The following NUDCD1 variants were observed in gnomAD, a reference collection of about 807,000 sequenced individuals.
NUDCD1 encodes nudC domain-containing protein 1.
NUDCD1 carries 60 observed loss-of-function variants against 67.8 expected under a neutral mutation model. The ratio of observed to expected loss-of-function variants is 0.88; its 90% CI spans 0.72 to 1.10. The LOEUF (loss-of-function observed/expected upper bound fraction) is 1.10. NUDCD1 is among the 50% of genes least tolerant of loss of function. The pLI is 0.00. For missense variants in NUDCD1, 643 were observed against 695.0 expected, an observed-to-expected ratio of 0.93 and a Z score of 0.84; for synonymous variants, 244 against 230.8, an observed-to-expected ratio of 1.06 and a Z score of -0.52.
rs1425245079 is a variant in NUDCD1, at chr8:109,273,889, A to C, written c.1173+1463T>G. Among the ~76,000 whole-genome samples, 3 of 152,238 alleles carry C rather than the reference A, an allele frequency of 2.0e-5. No homozygotes were observed. In the East Asian group the frequency reaches 5.8e-4, roughly 29 times the overall value. On this transcript the variant is annotated intron_variant, in intron 7 of 9. Coordinates refer to ENST00000239690, the MANE Select transcript of NUDCD1 (RefSeq NM_032869.4). ...ACAACACAAAACAAAAAACCTATCCAATATTCCTCACAAATAGACATAAAA... is the reference window on the plus strand; with the variant it reads ...ACAACACAAAACAAAAAACCTATCCCATATTCCTCACAAATAGACATAAAA...
At chr8:109,317,611 T>C (rs1470495065) in intron 2 of NUDCD1, among the ~76,000 whole-genome samples, 2 of 152,238 alleles carry the variant, frequency 1.3e-5, no homozygotes, top group African/African-American at 4.8e-5. Flanking sequence ...GAATTGTTCC[T>C]GATATGTAAT....
In NUDCD1 at chr8:109,296,419, C is replaced by T. The variant is rs1230554126; in HGVS notation, c.424G>A (p.Gly142Ser). The change falls in exon 3 of 10, where the codon GGT (glycine) becomes AGT (serine). Residue 142 changes from glycine (G) to serine (S), a missense_variant. Physicochemically the swap from Gly to Ser is moderately conservative, Grantham distance 56. Coordinates refer to ENST00000239690, the MANE Select transcript of NUDCD1 (RefSeq NM_032869.4). ...GTGRLYVIGTGERGNSASEKW... is the reference protein window; with the variant it reads ...GTGRLYVIGTSERGNSASEKW... ...TCAGAAGCGCTATTTCCACGTTCAC[C>T]TGTTCCAATGACATACAATCTTCCA... The T allele has an allele frequency of 5.0e-6, 8 of 1,613,490 alleles. No individual in the cohort carries two copies. The highest frequency in any genetic ancestry group is 1.7e-5 in the Admixed American group (1 of 59,952).
intron 8 of NUDCD1, among the ~76,000 whole-genome samples, chr8:109,270,061 C>T (rs1389175622): frequency 1.8e-3 from 3 of 1,628 alleles, no homozygotes; most frequent in Non-Finnish European, 3.3e-3. Flanking sequence ...TTTGAGGTGG[C>T]GGGGGCGGGG....
intron 8 of NUDCD1, among the ~76,000 whole-genome samples, chr8:109,251,662 C>T (rs899235335): frequency 2.6e-5 from 4 of 152,116 alleles, no homozygotes; most frequent in Non-Finnish European, 5.9e-5. Flanking sequence ...TCTTTTTCCT[C>T]AGTCTGGCTA....
chr8:109,289,816 G>A lies in NUDCD1; in HGVS notation c.758C>T (p.Thr253Ile). The A allele has an allele frequency of 6.4e-7, 1 of 1,570,190 alleles. No homozygotes were observed. The highest frequency in any genetic ancestry group is 8.7e-7 in the Non-Finnish European group (1 of 1,150,648). Residue 253 changes from threonine to isoleucine, a missense_variant, in exon 5 of 10, where the codon ACA becomes ATA. By Grantham distance (89) the Thr-to-Ile change is moderately conservative (BLOSUM62 -1). Transcript: ENST00000239690. ...GLMIVSYKSL[T>I]FVQAGQDLEE... ...AAGATCTTGACCAGCCTGAACAAAT[G>A]TTAAAGACTTGTAGGATACAATCAT...
intron 2 of NUDCD1, among the ~76,000 whole-genome samples, chr8:109,318,200 A>C (rs1369497412): frequency 6.6e-6 from 1 of 152,202 alleles, no homozygotes; most frequent in African/African-American, 2.4e-5. Flanking sequence ...GCTACATTAC[A>C]TGTGCCACAA....
At chr8:109,243,768 T>A (rs1028012980) in intron 9 of NUDCD1, among the ~76,000 whole-genome samples, 1 of 152,178 alleles carries the variant, frequency 6.6e-6, no homozygotes, top group Non-Finnish European at 1.5e-5. Context: ...CTGTTCATAA[T>A]GTATCCCTGA....
At chr8:109,266,971 A>G (rs542691152) in intron 8 of NUDCD1, among the ~76,000 whole-genome samples, 1 of 152,176 alleles carries the variant, frequency 6.6e-6, no homozygotes, top group South Asian at 2.1e-4. Context: ...ATTTTCTAAA[A>G]CTCTAAGGAC....
chr8:109,297,251 CAG>C (rs1814866565), intron 2 of NUDCD1, among the ~76,000 whole-genome samples: 1 of 152,186 alleles, frequency 6.6e-6, no homozygotes, highest in African/African-American at 2.4e-5. Context: ...AAAATGCCTA[CAG>C]AGACACCAGT....
At chr8:109,316,735 T>C (rs1815406718) in intron 2 of NUDCD1, among the ~76,000 whole-genome samples, 1 of 152,212 alleles carries the variant, frequency 6.6e-6, no homozygotes, top group Non-Finnish European at 1.5e-5. Context: ...TCTTAATACC[T>C]GGTCATCCCT....
intron 8 of NUDCD1, among the ~76,000 whole-genome samples, chr8:109,261,812 T>C (rs931675050): frequency 1.3e-5 from 2 of 152,190 alleles, no homozygotes; most frequent in Non-Finnish European, 2.9e-5. Context: ...CCCGGTTTAA[T>C]TATTTTTCTA....
Position 109,242,999 on chromosome 8 carries a change from G to A in NUDCD1, c.*10C>T, listed in dbSNP as rs1471167853. ...TTTTCCAGTACAAAGAGGCCAATAT[G>A]TTAGAATAATTAATTCTCTGTATTT... On this transcript the variant is annotated 3_prime_UTR_variant, in exon 10 of 10. Transcript: ENST00000239690. 5 of 1,544,322 alleles carry A rather than the reference G, an allele frequency of 3.2e-6. No individual in the cohort carries two copies. In the South Asian group the frequency reaches 3.4e-5, roughly 11 times the overall value.
intron 6 of NUDCD1, among the ~76,000 whole-genome samples, chr8:109,279,122 T>G (rs1434021805): frequency 6.6e-6 from 1 of 152,202 alleles, no homozygotes; most frequent in African/African-American, 2.4e-5. Context: ...TTCATTTATT[T>G]TGGTTAAACA....
chr8:109,291,761 G>T (rs548406163), intron 4 of NUDCD1, among the ~76,000 whole-genome samples: 1 of 152,218 alleles, frequency 6.6e-6, no homozygotes, highest in African/African-American at 2.4e-5. Context: ...TCCAGCTGAG[G>T]CAAAGAAACG....
chr8:109,263,117 A>T (rs1312648973), intron 8 of NUDCD1, among the ~76,000 whole-genome samples: 1 of 148,066 alleles, frequency 6.8e-6, no homozygotes, highest in East Asian at 2.0e-4. Context: ...ACGCACCTTC[A>T]TTTTACACTG....
chr8:109,323,787 G>A (rs1293618501), intron 1 of NUDCD1, among the ~76,000 whole-genome samples: 1 of 152,162 alleles, frequency 6.6e-6, no homozygotes, highest in East Asian at 1.9e-4. Flanking sequence ...CCATGTACAT[G>A]TAGCCAACTG....
At chr8:109,309,202 T>C (rs1394819178) in intron 2 of NUDCD1, among the ~76,000 whole-genome samples, 2 of 151,126 alleles carry the variant, frequency 1.3e-5, no homozygotes, top group African/African-American at 4.9e-5. Flanking sequence ...CTAGATGCTA[T>C]AATCCTTAAC....
chr8:109,331,435 G>A (rs1383949152), intron 1 of NUDCD1, among the ~76,000 whole-genome samples: 5 of 148,162 alleles, frequency 3.4e-5, no homozygotes, highest in African/African-American at 1.2e-4. Flanking sequence ...AGAATCGCCT[G>A]AACCCGGAAG....
intron 6 of NUDCD1, among the ~76,000 whole-genome samples, chr8:109,277,865 G>C (rs555413771): frequency 6.6e-6 from 1 of 152,222 alleles, no homozygotes; most frequent in South Asian, 2.1e-4. Flanking sequence ...GGAGTATGTG[G>C]AGATACAAAA....
Sources: gnomAD v4.1 joint callset for allele counts (sites outside exome capture counted in the v4.1 genomes callset) on GRCh38, gnomAD v4.1.1 for gene constraint, MANE v1.5 for transcripts, NCBI Gene and HGNC (gene_info 2026-07-23, HGNC 2026-07-21) for gene names.